The following GRIK4 variants were observed in gnomAD, a reference collection of about 807,000 sequenced individuals.
GRIK4 encodes the protein glutamate receptor ionotropic, kainate 4.
Under a neutral mutation model 104.9 loss-of-function variants are expected in GRIK4, and 40 were observed. The observed-to-expected ratio is 0.38, with a 90% CI of 0.30 to 0.50. The LOEUF (loss-of-function observed/expected upper bound fraction) is 0.50. Among genes scored for constraint, GRIK4 ranks in the 20% least tolerant of loss-of-function variants. The pLI is 0.93. For synonymous variants in GRIK4, 485 were observed against 524.9 expected (o/e 0.92, Z 1.04); for missense variants, 1,047 against 1,308.1 (o/e 0.80, Z 3.08).
chr11:120,876,256 A>G, intron 11 of GRIK4, among the ~76,000 whole-genome samples: 1 of 134,178 alleles, frequency 7.5e-6, no homozygotes, highest in African/African-American at 2.8e-5. Context: ...CACCACCATT[A>G]CCACCACCAT....
intron 3 of GRIK4, among the ~76,000 whole-genome samples, chr11:120,739,422 G>T (rs1470928111): frequency 6.6e-6 from 1 of 152,184 alleles, no homozygotes; most frequent in East Asian, 1.9e-4. Context: ...ACAGGTCTGA[G>T]CCTGGGCCTC....
chr11:120,792,230 A>G (rs926553141), intron 3 of GRIK4, among the ~76,000 whole-genome samples: 5 of 151,942 alleles, frequency 3.3e-5, no homozygotes, highest in African/African-American at 7.3e-5. Flanking sequence ...GGCATGCAGC[A>G]GCACCGTGTG....
intron 8 of GRIK4, among the ~76,000 whole-genome samples, chr11:120,861,258 A>G (rs747739337): frequency 2.3e-4 from 35 of 151,912 alleles, no homozygotes; most frequent in Middle Eastern, 3.4e-3. Flanking sequence ...ACAGGAATGC[A>G]CCACCACATC....
intron 18 of GRIK4, among the ~76,000 whole-genome samples, chr11:120,964,650 G>A (rs1944352086): frequency 2.0e-5 from 3 of 152,094 alleles, no homozygotes; most frequent in African/African-American, 7.2e-5. Flanking sequence ...GGAGAGTTGG[G>A]GTAAGATAGA....
At chr11:120,535,050 G>T (rs917717296) in intron 1 of GRIK4, among the ~76,000 whole-genome samples, 3 of 152,250 alleles carry the variant, frequency 2.0e-5, no homozygotes, top group African/African-American at 7.2e-5. Flanking sequence ...TCTCCTGGGG[G>T]AAGCCCTGAC....
At chr11:120,737,897 G>A (rs1289742441) in intron 3 of GRIK4, among the ~76,000 whole-genome samples, 2 of 152,088 alleles carry the variant, frequency 1.3e-5, no homozygotes, top group East Asian at 1.9e-4. Context: ...TGTGTGTGTG[G>A]TTTTCTGTAT....
chr11:120,562,324 G>A (rs146463469), intron 1 of GRIK4, among the ~76,000 whole-genome samples: 34 of 152,300 alleles, frequency 2.2e-4, no homozygotes, highest in Non-Finnish European at 3.2e-4. Flanking sequence ...AAATAATGAC[G>A]TGTGAAAAAG....
intron 19 of GRIK4, among the ~76,000 whole-genome samples, chr11:120,970,292 C>A (rs1263712380): frequency 1.3e-5 from 2 of 152,160 alleles, no homozygotes; most frequent in Admixed American, 1.3e-4. Context: ...TGGAGCCACA[C>A]AGGAGTGGCC....
intron 2 of GRIK4, among the ~76,000 whole-genome samples, chr11:120,659,462 T>C (rs1165047078): frequency 6.6e-6 from 1 of 152,216 alleles, no homozygotes; most frequent in African/African-American, 2.4e-5. Flanking sequence ...GCTTCTCCGA[T>C]GTTACCTTGA....
At position 120,754,175 on chromosome 11, in the gene GRIK4, C is replaced by G. The variant is rs112612671; in HGVS notation, c.83-48518C>G. Among the ~76,000 whole-genome samples the G allele has an allele frequency of 4.9e-3, 743 of 152,248 alleles. 7 individuals carry two copies. Among genetic ancestry groups the G allele is most frequent in the African/African-American group, 0.017 (713 of 41,546 alleles). On this transcript the variant is annotated intron_variant, in intron 3 of 20. Transcript: ENST00000527524. ...CCTCCCAAGTAGCTGGGATTACAGGCGCCCGCCACCGTGCCAAGCTAATTT... is the reference window on the plus strand; with the variant it reads ...CCTCCCAAGTAGCTGGGATTACAGGGGCCCGCCACCGTGCCAAGCTAATTT...
Position 120,987,306 on chromosome 11 carries a change from G to C in GRIK4, c.*1046G>C, listed in dbSNP as rs890278105. 1 of 152,244 alleles carries C rather than the reference G, an allele frequency of 6.6e-6. No individual in the cohort carries two copies. Among genetic ancestry groups the C allele is most frequent in the African/African-American group, 2.4e-5 (1 of 41,456 alleles). The allele number at this position is 152,244 out of a possible 1,614,324, so 9.4% of individuals were successfully genotyped here. A position where few individuals can be genotyped will look rare whatever the true frequency, so the allele number is the denominator to read the frequency against. ...AGAGGCGGAAGGACTGGGCCACCCC[G>C]TTGGTATGGTGCATACTTTGTCAAC... On this transcript the variant is annotated 3_prime_UTR_variant, in exon 21 of 21. Coordinates refer to ENST00000527524, the MANE Select transcript of GRIK4 (RefSeq NM_014619.5).
intron 1 of GRIK4, among the ~76,000 whole-genome samples, chr11:120,638,032 A>G (rs1949421531): frequency 1.3e-5 from 2 of 151,814 alleles, no homozygotes; most frequent in Admixed American, 1.3e-4. Flanking sequence ...GGCACCCACC[A>G]CCACACCTAG....
intron 1 of GRIK4, among the ~76,000 whole-genome samples, chr11:120,574,261 A>G (rs1948447417): frequency 6.6e-6 from 1 of 152,164 alleles, no homozygotes; most frequent in Non-Finnish European, 1.5e-5. Context: ...GCCATCCACG[A>G]TCACGTCGCT....
At chr11:120,752,289 C>T (rs1215148894) in intron 3 of GRIK4, among the ~76,000 whole-genome samples, 3 of 152,254 alleles carry the variant, frequency 2.0e-5, no homozygotes, top group Non-Finnish European at 4.4e-5. Flanking sequence ...AATGAAGCCA[C>T]AACTCTACTT....
At chr11:120,635,025 T>G (rs1376238640) in intron 1 of GRIK4, among the ~76,000 whole-genome samples, 3 of 152,194 alleles carry the variant, frequency 2.0e-5, no homozygotes, top group Admixed American at 2.0e-4. Flanking sequence ...CTTGAGCAGC[T>G]ATGGGGCTTG....
intron 6 of GRIK4, among the ~76,000 whole-genome samples, chr11:120,824,599 G>A (rs1182357680): frequency 6.9e-6 from 1 of 145,630 alleles, no homozygotes; most frequent in Non-Finnish European, 1.5e-5. Context: ...GGCCAGGCTG[G>A]AGTGCAGTGG....
At chr11:120,664,509 C>G (rs1462596228) in intron 3 of GRIK4, among the ~76,000 whole-genome samples, 22 of 152,192 alleles carry the variant, frequency 1.4e-4, no homozygotes, top group Admixed American at 1.4e-3. Context: ...ACCAAACAAT[C>G]CCCTGTTACA....
chr11:120,708,115 C>G (rs1950660707), intron 3 of GRIK4, among the ~76,000 whole-genome samples: 1 of 152,092 alleles, frequency 6.6e-6, no homozygotes, highest in African/African-American at 2.4e-5. Flanking sequence ...TTTAGGAAAA[C>G]ATAATACCAT....
intron 3 of GRIK4, among the ~76,000 whole-genome samples, chr11:120,663,524 A>G (rs1591782137): frequency 6.6e-6 from 1 of 152,200 alleles, no homozygotes; most frequent in Non-Finnish European, 1.5e-5. Flanking sequence ...ATTCCTGTTC[A>G]GAAAACATTT....
Sources: gnomAD v4.1 joint callset for allele counts (sites outside exome capture counted in the v4.1 genomes callset) on GRCh38, gnomAD v4.1.1 for gene constraint, MANE v1.5 for transcripts, NCBI Gene and HGNC (gene_info 2026-07-23, HGNC 2026-07-21) for gene names.